The following DNAAF9 variants were observed in gnomAD, a reference collection of about 807,000 sequenced individuals.
DNAAF9 encodes the protein dynein axonemal assembly factor 9.
Under a neutral mutation model 167.0 loss-of-function variants are expected in DNAAF9, and 90 were observed. The ratio of observed to expected loss-of-function variants is 0.54; its 90% CI spans 0.45 to 0.64. The LOEUF is 0.64. Among genes scored for constraint, DNAAF9 ranks in the 30% least tolerant of loss-of-function variants. The pLI is 0.00. For synonymous variants in DNAAF9, 491 were observed against 508.8 expected (o/e 0.96, Z 0.47); for missense variants, 1,315 against 1,442.2 (o/e 0.91, Z 1.43).
chr20:3,329,028 T>A (rs1485107792), intron 12 of DNAAF9, among the ~76,000 whole-genome samples: 1 of 151,856 alleles, frequency 6.6e-6, no homozygotes, highest in African/African-American at 2.4e-5. Context: ...TGCCACCACA[T>A]TTGGCTAATT....
chr20:3,261,601 C>T (rs2068389379), intron 31 of DNAAF9, among the ~76,000 whole-genome samples: 1 of 151,542 alleles, frequency 6.6e-6, no homozygotes, highest in African/African-American at 2.4e-5. Flanking sequence ...CTCCTGACCT[C>T]GTGATCCACC....
rs578216018 is a variant in DNAAF9 at position 3,328,468 on chromosome 20, T to G, written c.1100+2178A>C. ...GTGCTGGGATTATAGGTTATAGGCATAAGCCACTGCACCCGGCCTCTGTTG... is the reference window on the plus strand; with the variant it reads ...GTGCTGGGATTATAGGTTATAGGCAGAAGCCACTGCACCCGGCCTCTGTTG... On this transcript the variant is annotated intron_variant, in intron 12 of 36. Transcript: ENST00000252032. 4.6e-5 allele frequency among the ~76,000 whole-genome samples: 7 copies of G among 152,234 alleles called. No homozygotes were observed. In the East Asian group the frequency reaches 1.4e-3, roughly 29 times the overall value.
intron 12 of DNAAF9, among the ~76,000 whole-genome samples, chr20:3,328,523 T>G (rs1053816937): frequency 6.6e-6 from 1 of 152,188 alleles, no homozygotes; most frequent in Non-Finnish European, 1.5e-5. Context: ...CATGTTCCAC[T>G]GGATCTGTGA....
intron 6 of DNAAF9, among the ~76,000 whole-genome samples, chr20:3,368,811 C>T: frequency 6.6e-6 from 1 of 152,094 alleles, no homozygotes; most frequent in East Asian, 1.9e-4. Context: ...AGCCACTGCG[C>T]CCGGCCATCC....
chr20:3,257,221 TAAAC>T (rs1182833631), intron 33 of DNAAF9, among the ~76,000 whole-genome samples: 1 of 151,716 alleles, frequency 6.6e-6, no homozygotes, highest in African/African-American at 2.4e-5. Flanking sequence ...CAGATCTAAA[TAAAC>T]AAGAGGCTGG....
chr20:3,268,896 A>ACTTTTTTTT (rs2068536482), intron 30 of DNAAF9, among the ~76,000 whole-genome samples: 1 of 80,840 alleles, frequency 1.2e-5, no homozygotes, highest in Non-Finnish European at 2.5e-5. Context: ...TCTCTATGTT[A>ACTTTTTTTT]CTTTTTTTTT....
chr20:3,272,374 G>A (rs1314697458), intron 29 of DNAAF9, among the ~76,000 whole-genome samples: 2 of 151,960 alleles, frequency 1.3e-5, no homozygotes, highest in African/African-American at 2.4e-5. Context: ...ACAGGTGTGC[G>A]TGCCACCATG....
chr20:3,322,275 A>T lies in DNAAF9; in HGVS notation c.1311-13T>A, dbSNP rs761976315. 3.1e-6 allele frequency: 5 copies of T among 1,592,044 alleles called. No homozygotes were observed. The highest frequency in any genetic ancestry group is 4.3e-6 in the Non-Finnish European group (5 of 1,161,218). On this transcript the variant is annotated splice_polypyrimidine_tract_variant and intron_variant, in intron 15 of 36. Transcript: ENST00000252032. ...CAGCGGTACAATTCTAGGAGGGGAA[A>T]GAGATGGAAGACTATGTTAAAGAGT...
chr20:3,374,398 C>A (rs909322923), intron 5 of DNAAF9, among the ~76,000 whole-genome samples: 11 of 152,288 alleles, frequency 7.2e-5, no homozygotes, highest in African/African-American at 2.6e-4. Context: ...TTGTAACATT[C>A]CAGTTTCCTG....
chr20:3,389,679 C>T (rs2083799036), intron 1 of DNAAF9, among the ~76,000 whole-genome samples: 1 of 151,832 alleles, frequency 6.6e-6, no homozygotes, highest in Admixed American at 6.6e-5. Context: ...AAAATTCTTA[C>T]AGTGTAAAAG....
intron 33 of DNAAF9, among the ~76,000 whole-genome samples, chr20:3,258,857 C>T (rs144022603): frequency 1.2e-4 from 19 of 152,308 alleles, no homozygotes; most frequent in East Asian, 9.6e-4. Context: ...GCTCCAGTTA[C>T]GGTAAATGCT....
At chr20:3,332,156 G>A (rs74564955) in intron 11 of DNAAF9, 124 bp downstream of exon 11, 3 of 619,356 alleles carry the variant, frequency 4.8e-6, no homozygotes, top group Non-Finnish European at 8.8e-6. Flanking sequence ...AGAGGGAGCT[G>A]GAGGCCCACA....
intron 23 of DNAAF9, among the ~76,000 whole-genome samples, chr20:3,294,973 C>T (rs747026678): frequency 1.3e-5 from 2 of 151,884 alleles, no homozygotes; most frequent in Non-Finnish European, 2.9e-5. Flanking sequence ...TCACGCCATT[C>T]TCCTGCCTCA....
In DNAAF9 at chr20:3,340,553, C is replaced by T. The variant is rs1044286662; in HGVS notation, c.932G>A (p.Gly311Glu). 6.2e-7 allele frequency: 1 copy of T among 1,611,458 alleles called. No homozygotes were observed. The highest frequency in any genetic ancestry group is 8.5e-7 in the Non-Finnish European group (1 of 1,179,238). ...NAGNFNFPSE[G>E]HLVRSTGPGG... is the part of the protein sequence containing the mutation. ...GGGACCAGTGCTTCGTACCAGATGT[C>T]CTTCAGAAGGGAAGTTAAAGTTGCC... Residue 311 changes from glycine (G) to glutamate (E), a missense_variant, in exon 10 of 37, where the codon GGA becomes GAA. By Grantham distance (98) the Gly-to-Glu change is moderately conservative. Around this residue, in one of 2 missense-constraint regions of DNAAF9, gnomAD observed 981 missense variants for 1,012.5 expected, o/e 0.97. Transcript: ENST00000252032.
chr20:3,326,046 G>C (rs769129297), intron 13 of DNAAF9, 151 bp downstream of exon 13: 52 of 612,962 alleles, frequency 8.5e-5, no homozygotes, highest in Non-Finnish European at 1.0e-4. Context: ...CAGAAGCTCA[G>C]TGCTCTCAGG....
chr20:3,393,788 G>A (rs994841882), intron 1 of DNAAF9, among the ~76,000 whole-genome samples: 9 of 152,208 alleles, frequency 5.9e-5, no homozygotes, highest in African/African-American at 9.6e-5. Flanking sequence ...CTTTTAAACC[G>A]TTTACCTATA....
chr20:3,383,430 G>A (rs145917224), intron 1 of DNAAF9, among the ~76,000 whole-genome samples: 164 of 151,824 alleles, frequency 1.1e-3, no homozygotes, highest in African/African-American at 3.4e-3. Context: ...CACCACGCCC[G>A]GCTAATTTTT....
intron 23 of DNAAF9, chr20:3,295,757 G>A: frequency 1.4e-6 from 1 of 697,066 alleles, no homozygotes. Flanking sequence ...CTTTATTCTG[G>A]AAGTCCTCCT....
rs553751104 is a variant in DNAAF9 at position 3,347,306 on chromosome 20, C to T, written c.789+1219G>A. On this transcript the variant is annotated intron_variant, in intron 8 of 36. Transcript: ENST00000252032. ...ATCTAGACATGGCAAAAATATATTT[C>T]AAAAATGAAGGCGAAATAAAGATTT... Among the ~76,000 whole-genome samples the T allele has an allele frequency of 2.6e-5, 4 of 152,060 alleles. No individual in the cohort carries two copies. The South Asian group carries it at 8.3e-4, about 32-fold the overall frequency.
Sources: allele counts gnomAD v4.1 joint callset (sites outside exome capture counted in the v4.1 genomes callset), GRCh38; gene constraint gnomAD v4.1.1; regional missense constraint gnomAD v4.1.1; transcripts MANE v1.5; gene names NCBI Gene and HGNC (gene_info 2026-07-23, HGNC 2026-07-21).